DACH1: variants seen among roughly 807,000 people sequenced by gnomAD.
The protein encoded by DACH1 is dachshund family transcription factor 1, also known as dachshund homolog 1.
DACH1 carries 12 observed loss-of-function variants against 54.2 expected under a neutral mutation model. The ratio of observed to expected loss-of-function variants is 0.22; its 90% CI spans 0.14 to 0.36. The LOEUF (loss-of-function observed/expected upper bound fraction) is 0.36. Ranked by LOEUF, DACH1 falls within the 10% of genes least tolerant of loss-of-function variation. The pLI is 1.00. For missense variants in DACH1, 805 were observed against 929.8 expected (o/e 0.87, Z 1.75); for synonymous variants, 386 against 366.2 (o/e 1.05, Z -0.62).
chr13:71,788,245 A>C (rs1043797601), intron 1 of DACH1, among the ~76,000 whole-genome samples: 1 of 152,098 alleles, frequency 6.6e-6, no homozygotes, highest in African/African-American at 2.4e-5. Flanking sequence ...TTACCATTTT[A>C]ACTTTCCTGG....
chr13:71,492,229 C>T (rs1879039592), intron 6 of DACH1, among the ~76,000 whole-genome samples: 2 of 151,978 alleles, frequency 1.3e-5, no homozygotes, highest in Admixed American at 6.6e-5. Context: ...TTCATACTTC[C>T]TGACATGTAA....
At chr13:71,539,541 A>C (rs944611340) in intron 6 of DACH1, among the ~76,000 whole-genome samples, 1 of 152,146 alleles carries the variant, frequency 6.6e-6, no homozygotes, top group Non-Finnish European at 1.5e-5. Flanking sequence ...TGTTACTGAT[A>C]GGAACTATAA....
intron 1 of DACH1, among the ~76,000 whole-genome samples, chr13:71,695,202 T>A (rs1340076363): frequency 1.3e-5 from 2 of 152,180 alleles, no homozygotes; most frequent in Admixed American, 1.3e-4. Context: ...AAACACGGCT[T>A]CAGTCTTGGT....
At chr13:71,493,385 G>A (rs1879150289) in intron 6 of DACH1, among the ~76,000 whole-genome samples, 1 of 152,072 alleles carries the variant, frequency 6.6e-6, no homozygotes, top group South Asian at 2.1e-4. Context: ...AGCCCTGGCT[G>A]ACAGGTTGAT....
rs549945803 is a variant in DACH1 at position 71,675,746 on chromosome 13, C to T, written c.964+6049G>A. Among the ~76,000 whole-genome samples the T allele has an allele frequency of 3.3e-5, 5 of 152,176 alleles. No homozygotes were observed. In the Middle Eastern group the frequency reaches 0.017, roughly 521 times the overall value. On this transcript the variant is annotated intron_variant, in intron 2 of 10. Transcript: ENST00000613252. ...TTTCAGTGAACAAGTTTCAGCGGTT[C>T]AACTTTATAATAATCATAAATAAAC...
intron 4 of DACH1, 26 bp from the exon 5 acceptor site, chr13:71,559,981 G>A (rs1884488223): frequency 1.4e-6 from 2 of 1,475,790 alleles, no homozygotes; most frequent in East Asian, 2.5e-5. Flanking sequence ...AGGGAAGGAG[G>A]GTAGAAAAGA....
At chr13:71,742,301 T>C (rs1884423544) in intron 1 of DACH1, among the ~76,000 whole-genome samples, 1 of 152,182 alleles carries the variant, frequency 6.6e-6, no homozygotes, top group Non-Finnish European at 1.5e-5. Flanking sequence ...CACAGATTAG[T>C]TGGAACCCAA....
Position 71,502,447 on chromosome 13 carries a change from A to C in DACH1, c.1571-13299T>G, listed in dbSNP as rs369105308. On this transcript the variant is annotated intron_variant, in intron 6 of 10. Coordinates refer to ENST00000613252, the MANE Select transcript of DACH1 (RefSeq NM_080759.6). Reference sequence around the variant, plus strand: ...AAATTTCTCCACCCTACACCTTATCAAATGCTAACCATACCAACAAGGTCT... The same window carrying C: ...AAATTTCTCCACCCTACACCTTATCCAATGCTAACCATACCAACAAGGTCT... Among the ~76,000 whole-genome samples, 6 of 152,290 alleles carry C rather than the reference A, an allele frequency of 3.9e-5. No homozygotes were observed. In the South Asian group the frequency reaches 1.2e-3, roughly 32 times the overall value.
rs535653572 is a variant in DACH1 at position 71,799,449 on chromosome 13, G to C, written c.848+66473C>G. Among the ~76,000 whole-genome samples the C allele has an allele frequency of 2.6e-5, 4 of 152,128 alleles. No homozygotes were observed. In the South Asian group the frequency reaches 8.3e-4, roughly 32 times the overall value. Reference sequence around the variant, plus strand: ...TTTCTGCTATAATTAAATTAAAAAAGTAATTGGCTGGTGCTGTACACTGCA... The same window carrying C: ...TTTCTGCTATAATTAAATTAAAAAACTAATTGGCTGGTGCTGTACACTGCA... On this transcript the variant is annotated intron_variant, in intron 1 of 10. Coordinates refer to ENST00000613252, the MANE Select transcript of DACH1 (RefSeq NM_080759.6).
At position 71,501,534 on chromosome 13, in the gene DACH1, A is replaced by G. The variant is rs555730090; in HGVS notation, c.1571-12386T>C. Among the ~76,000 whole-genome samples the G allele has an allele frequency of 1.9e-4, 29 of 152,308 alleles. No individual in the cohort carries two copies. In the East Asian group the frequency reaches 5.0e-3, roughly 26 times the overall value. ...TGAGATTTGCTTCAAAAATCTCTGG[A>G]AGAAGGGAAGAAATTGGGTGGAAGT... On this transcript the variant is annotated intron_variant, in intron 6 of 10. Coordinates refer to ENST00000613252, the MANE Select transcript of DACH1 (RefSeq NM_080759.6).
chr13:71,553,953 T>G (rs192553954), intron 6 of DACH1, among the ~76,000 whole-genome samples: 4 of 152,036 alleles, frequency 2.6e-5, no homozygotes, highest in African/African-American at 9.6e-5. Flanking sequence ...TTCTAAAGAA[T>G]TAATTGTCCT....
chr13:71,665,272 G>T (rs934179905), intron 2 of DACH1, among the ~76,000 whole-genome samples: 7 of 151,880 alleles, frequency 4.6e-5, no homozygotes, highest in East Asian at 1.9e-4. Flanking sequence ...TAATAGCTAA[G>T]TTAGAACTAA....
At chr13:71,712,694 A>T (rs1213727164) in intron 1 of DACH1, among the ~76,000 whole-genome samples, 1 of 152,142 alleles carries the variant, frequency 6.6e-6, no homozygotes, top group African/African-American at 2.4e-5. Flanking sequence ...AAATTTTTTT[A>T]ATGAAAATGT....
chr13:71,496,306 T>TATACAC (rs1217159359), intron 6 of DACH1, among the ~76,000 whole-genome samples: 30 of 46,094 alleles, frequency 6.5e-4, no homozygotes, highest in African/African-American at 1.4e-3. Context: ...TATATATATA[T>TATACAC]ACACACACAA....
intron 2 of DACH1, among the ~76,000 whole-genome samples, chr13:71,643,930 C>T (rs1382349124): frequency 6.6e-6 from 1 of 151,826 alleles, no homozygotes; most frequent in Non-Finnish European, 1.5e-5. Context: ...TGAAAAAGTG[C>T]AGATAAACTT....
chr13:71,753,351 C>T (rs1885005111), intron 1 of DACH1, among the ~76,000 whole-genome samples: 1 of 152,134 alleles, frequency 6.6e-6, no homozygotes, highest in South Asian at 2.1e-4. Context: ...AGATGAGGTA[C>T]ATTTCTTCTT....
At chr13:71,616,280 A>G (rs1284294944) in intron 3 of DACH1, among the ~76,000 whole-genome samples, 2 of 152,178 alleles carry the variant, frequency 1.3e-5, no homozygotes, top group Non-Finnish European at 2.9e-5. Context: ...GGATGAACAG[A>G]AAAGGAAATG....
chr13:71,614,780 G>T (rs1174363899), intron 3 of DACH1, among the ~76,000 whole-genome samples: 1 of 149,626 alleles, frequency 6.7e-6, no homozygotes, highest in African/African-American at 2.5e-5. Flanking sequence ...CTTGAGCTCA[G>T]CAGGTCAAAG....
intron 1 of DACH1, among the ~76,000 whole-genome samples, chr13:71,864,941 G>A (rs1480299189): frequency 1.3e-5 from 2 of 152,100 alleles, no homozygotes; most frequent in Non-Finnish European, 2.9e-5. Flanking sequence ...TAACCTTTAA[G>A]AAAAGAAAAG....
Sources: allele counts gnomAD v4.1 joint callset (sites outside exome capture counted in the v4.1 genomes callset), GRCh38; gene constraint gnomAD v4.1.1; transcripts MANE v1.5; gene names NCBI Gene and HGNC (gene_info 2026-07-23, HGNC 2026-07-21).